The following CFAP77 variants were observed in gnomAD, a reference collection of about 807,000 sequenced individuals.
The protein encoded by CFAP77 is cilia- and flagella-associated protein 77.
In CFAP77, 25 loss-of-function variants were observed where a neutral mutation model predicts 31.1. The ratio of observed to expected loss-of-function variants is 0.80; its 90% CI spans 0.59 to 1.12. The LOEUF (loss-of-function observed/expected upper bound fraction) is 1.12. Ranked by LOEUF, CFAP77 falls within the 50% of genes most tolerant of loss-of-function variation. CFAP77 has a pLI of 0.00. For synonymous variants in CFAP77, 151 were observed against 159.9 expected, an observed-to-expected ratio of 0.94 and a Z score of 0.42; for missense variants, 377 against 397.3, an observed-to-expected ratio of 0.95 and a Z score of 0.44.
chr9:132,502,340 A>C lies in CFAP77; in HGVS notation c.524+2740A>C, dbSNP rs542335188. Among the ~76,000 whole-genome samples, 17 of 151,622 alleles carry C rather than the reference A, an allele frequency of 1.1e-4. 1 individual carries two copies. Among genetic ancestry groups the C allele is most frequent in the Admixed American group, 8.5e-4 (13 of 15,216 alleles). ...TTTTTCTAATTTTTTATTGTGGTAA[A>C]ATATACAGAAGATTTATCATCTGAA... is the stretch of plus-strand genomic sequence containing the variant. On this transcript the variant is annotated intron_variant, in intron 3 of 5. Transcript: ENST00000393216.
chr9:132,547,006 A>C (rs2119074190), intron 5 of CFAP77, among the ~76,000 whole-genome samples: 1 of 152,212 alleles, frequency 6.6e-6, no homozygotes, highest in Middle Eastern at 3.4e-3. Flanking sequence ...CAGCAGGGGG[A>C]GCAGCTCAGA....
intron 1 of CFAP77, among the ~76,000 whole-genome samples, chr9:132,415,175 T>C (rs1446176140): frequency 6.6e-6 from 1 of 152,178 alleles, no homozygotes; most frequent in East Asian, 1.9e-4. Context: ...GAGCTGCCCA[T>C]CCTAATGGCC....
chr9:132,437,749 G>A (rs991314922), intron 1 of CFAP77, among the ~76,000 whole-genome samples: 1 of 151,186 alleles, frequency 6.6e-6, no homozygotes, highest in African/African-American at 2.4e-5. Flanking sequence ...CTGACTTCGT[G>A]ATCTGCCCGT....
chr9:132,519,507 G>A (rs1852214603), intron 3 of CFAP77, among the ~76,000 whole-genome samples: 1 of 120,964 alleles, frequency 8.3e-6, no homozygotes, highest in Non-Finnish European at 1.8e-5. Context: ...TGCATGGATG[G>A]GTGGGTGGGT....
chr9:132,499,631 C>T lies in CFAP77; in HGVS notation c.524+31C>T. 2 of 1,600,966 alleles carry T rather than the reference C, an allele frequency of 1.2e-6. No individual in the cohort carries two copies. Among genetic ancestry groups the T allele is most frequent in the East Asian group, 2.2e-5 (1 of 44,796 alleles). ...GTGGCTGGCAGCCAGGGCTTCATCCCTTGAGGGGGTGGAGGTACCAGCTCA... is the reference window on the plus strand; with the variant it reads ...GTGGCTGGCAGCCAGGGCTTCATCCTTTGAGGGGGTGGAGGTACCAGCTCA... On this transcript the variant is annotated intron_variant, in intron 3 of 5. Coordinates refer to ENST00000393216, the MANE Select transcript of CFAP77 (RefSeq NM_001282957.2). The surrounding 1 kb of genome is among the most constrained non-coding windows in gnomAD (Gnocchi z 5.4).
chr9:132,570,203 A>G (rs975240925), intron 5 of CFAP77, among the ~76,000 whole-genome samples: 1 of 152,160 alleles, frequency 6.6e-6, no homozygotes, highest in Non-Finnish European at 1.5e-5. Flanking sequence ...GTGTCTTGTG[A>G]GGCTACTTGG....
At chr9:132,465,311 C>T (rs1249161246) in intron 1 of CFAP77, among the ~76,000 whole-genome samples, 1 of 151,904 alleles carries the variant, frequency 6.6e-6, no homozygotes, top group African/African-American at 2.4e-5. Context: ...AATTCATGTG[C>T]GAGAGTGTTT....
chr9:132,465,018 G>A (rs1589866370), intron 1 of CFAP77, among the ~76,000 whole-genome samples: 1 of 145,436 alleles, frequency 6.9e-6, no homozygotes, highest in African/African-American at 2.5e-5. Flanking sequence ...AGGTTGCAGT[G>A]AGCCAAGATT....
Position 132,524,907 on chromosome 9 carries a change from C to T in CFAP77, c.525-12694C>T, listed in dbSNP as rs528384185. Among the ~76,000 whole-genome samples, 160 of 149,450 alleles carry T rather than the reference C, an allele frequency of 1.1e-3. 2 individuals carry two copies. The highest frequency in any genetic ancestry group is 3.7e-3 in the African/African-American group (153 of 41,104). ...TCATGATCCTCCCGCCTTGGCCTTC[C>T]AAAGTGCTGGGATTACAGGCGTGAG... On this transcript the variant is annotated intron_variant, in intron 3 of 5. Transcript: ENST00000393216.
intron 1 of CFAP77, among the ~76,000 whole-genome samples, chr9:132,478,383 C>G (rs1214634651): frequency 6.6e-6 from 1 of 152,090 alleles, no homozygotes; most frequent in Non-Finnish European, 1.5e-5. Context: ...GCACTGGTTC[C>G]CCCCATTTGT....
At chr9:132,462,674 G>A (rs1851072877) in intron 1 of CFAP77, among the ~76,000 whole-genome samples, 1 of 152,120 alleles carries the variant, frequency 6.6e-6, no homozygotes, top group Non-Finnish European at 1.5e-5. Context: ...AAATTACCCA[G>A]GCGTGGTGGT....
chr9:132,505,071 A>G (rs1346102108), intron 3 of CFAP77, among the ~76,000 whole-genome samples: 1 of 152,244 alleles, frequency 6.6e-6, no homozygotes, highest in East Asian at 1.9e-4. Context: ...ACAATTACAG[A>G]CGTGTTAAAA....
intron 1 of CFAP77, among the ~76,000 whole-genome samples, chr9:132,410,845 G>T (rs1849980806): frequency 6.6e-6 from 1 of 152,198 alleles, no homozygotes; most frequent in South Asian, 2.1e-4. Flanking sequence ...CTAAGTCGTG[G>T]CTGCCAGCCC....
intron 1 of CFAP77, among the ~76,000 whole-genome samples, chr9:132,421,364 C>A (rs904397556): frequency 5.3e-5 from 8 of 152,082 alleles, no homozygotes; most frequent in Admixed American, 3.9e-4. Context: ...AGGGTGAGAT[C>A]CAGGTTTTGC....
chr9:132,529,183 AATG>A (rs1377131975), intron 3 of CFAP77, among the ~76,000 whole-genome samples: 7 of 104,482 alleles, frequency 6.7e-5, no homozygotes, highest in Admixed American at 6.1e-4. Flanking sequence ...AGCCATAAAA[AATG>A]ATGAGTTCAT....
chr9:132,440,384 A>G (rs1850595614), intron 1 of CFAP77, among the ~76,000 whole-genome samples: 1 of 152,108 alleles, frequency 6.6e-6, no homozygotes, highest in Non-Finnish European at 1.5e-5. Flanking sequence ...ACTCACATTG[A>G]CCGAACAGTT....
At chr9:132,541,887 TGGGAGGTGACGC>T (rs567829001) in intron 4 of CFAP77, among the ~76,000 whole-genome samples, 114 of 152,318 alleles carry the variant, frequency 7.5e-4, no homozygotes, top group African/African-American at 2.7e-3. Flanking sequence ...CTTCACACCA[TGGGAGGTGACGC>T]GGAAGGTTTA....
chr9:132,459,293 G>A (rs539276141), intron 1 of CFAP77, among the ~76,000 whole-genome samples: 4 of 152,008 alleles, frequency 2.6e-5, no homozygotes, highest in Non-Finnish European at 5.9e-5. Context: ...GGATGGTCTC[G>A]ATCTCCTGAC....
intron 5 of CFAP77, among the ~76,000 whole-genome samples, chr9:132,550,185 C>G (rs1041670078): frequency 6.6e-6 from 1 of 152,202 alleles, no homozygotes; most frequent in Admixed American, 6.5e-5. Context: ...CTGGCTGCCC[C>G]CTTCATCCTT....
Sources: gnomAD v4.1 joint callset for allele counts (sites outside exome capture counted in the v4.1 genomes callset) on GRCh38, gnomAD v4.1.1 for gene constraint, Gnocchi (gnomAD v3.1) non-coding constraint, MANE v1.5 for transcripts, NCBI Gene and HGNC (gene_info 2026-07-23, HGNC 2026-07-21) for gene names.